PPFIBP2: variants seen among roughly 807,000 people sequenced by gnomAD.
The protein encoded by PPFIBP2 is PPFIB scaffold protein 2.
PPFIBP2 carries 118 observed loss-of-function variants against 118.3 expected under a neutral mutation model. The observed-to-expected ratio is 1.00, with a 90% CI of 0.86 to 1.16. The LOEUF (loss-of-function observed/expected upper bound fraction) is 1.16. PPFIBP2 is among the 50% of genes most tolerant of loss of function. The pLI, the probability that PPFIBP2 is intolerant of heterozygous loss-of-function variation, is 0.00. For synonymous variants in PPFIBP2, 414 were observed against 397.4 expected, an observed-to-expected ratio of 1.04 and a Z score of -0.50; for missense variants, 1,195 against 1,073.1, an observed-to-expected ratio of 1.11 and a Z score of -1.59.
chr11:7,565,467 G>A lies in PPFIBP2; in HGVS notation c.65-86G>A, dbSNP rs528137940. 224 of 1,393,856 alleles carry A rather than the reference G, an allele frequency of 1.6e-4. No individual in the cohort carries two copies. In the African/African-American group the frequency reaches 1.9e-3, roughly 12 times the overall value. The allele number at this position is 1,393,856 out of a possible 1,614,324, so 86.3% of individuals were successfully genotyped here. ...CAGCTTCTTATCTGTCCCTTTCACC[G>A]TTTCTTCACCACCTTTGCTCTTTAC... is the stretch of plus-strand genomic sequence containing the variant. On this transcript the variant is annotated intron_variant, in intron 2 of 23. Coordinates refer to ENST00000299492, the MANE Select transcript of PPFIBP2 (RefSeq NM_003621.5).
At chr11:7,617,141 G>A in intron 6 of PPFIBP2, 2 of 985,360 alleles carry the variant, frequency 2.0e-6, no homozygotes, top group Non-Finnish European at 2.4e-6. Flanking sequence ...GTGAGCTGCA[G>A]GAGCAGATGT....
the PPFIBP2 span, among the ~76,000 whole-genome samples, chr11:7,664,056 C>T: frequency 2.0e-5 from 3 of 152,188 alleles, no homozygotes; most frequent in African/African-American, 4.8e-5. Flanking sequence ...CTGGCACTCC[C>T]TAGTGAGATG....
chr11:7,522,126 G>A (rs566617263), intron 1 of PPFIBP2, among the ~76,000 whole-genome samples: 52 of 152,330 alleles, frequency 3.4e-4, no homozygotes, highest in African/African-American at 1.2e-3. Context: ...AGCACAGGCT[G>A]TTAGAATAAC....
intron 23 of PPFIBP2, 127 bp from the exon 24 acceptor site, chr11:7,652,897 C>T (rs1854256626): frequency 8.9e-7 from 1 of 1,123,224 alleles, no homozygotes. Flanking sequence ...TGTTCAGAGT[C>T]TTTCTAGGAG....
At chr11:7,663,477 G>T in the PPFIBP2 span, among the ~76,000 whole-genome samples, 1 of 152,202 alleles carries the variant, frequency 6.6e-6, no homozygotes, top group Non-Finnish European at 1.5e-5. Flanking sequence ...AGTGGTCAGG[G>T]ACCCACTTGA....
chr11:7,530,155 G>A (rs775649382), intron 1 of PPFIBP2, among the ~76,000 whole-genome samples: 44 of 152,206 alleles, frequency 2.9e-4, no homozygotes, highest in Non-Finnish European at 5.7e-4. Flanking sequence ...TGGAGAGGCA[G>A]AGTGTTACAT....
intron 5 of PPFIBP2, chr11:7,598,274 A>C: frequency 3.1e-6 from 1 of 323,720 alleles, no homozygotes; most frequent in Non-Finnish European, 6.1e-6. Context: ...CAGATTTTGT[A>C]TGCTTAATAT....
At chr11:7,645,582 A>G (rs1437626275) in intron 17 of PPFIBP2, among the ~76,000 whole-genome samples, 1 of 152,208 alleles carries the variant, frequency 6.6e-6, no homozygotes, top group East Asian at 1.9e-4. Flanking sequence ...GGCTGAGGAT[A>G]TGGGAGATGC....
At chr11:7,657,577 T>A (rs978948222), downstream of PPFIBP2, among the ~76,000 whole-genome samples, 6 of 152,170 alleles carry the variant, frequency 3.9e-5, no homozygotes, top group Non-Finnish European at 8.8e-5. Context: ...TCAAGCTCCG[T>A]GTTTCCACCC....
chr11:7,577,388 C>T (rs530397753), intron 3 of PPFIBP2: 22 of 344,024 alleles, frequency 6.4e-5, no homozygotes, highest in East Asian at 2.4e-4. Flanking sequence ...TGAAGCAGCA[C>T]GGTCTGCTCT....
intron 1 of PPFIBP2, among the ~76,000 whole-genome samples, chr11:7,516,443 C>T (rs1014503697): frequency 6.6e-6 from 1 of 152,100 alleles, no homozygotes; most frequent in Non-Finnish European, 1.5e-5. Flanking sequence ...GAAGATTCAG[C>T]TTTGGGCCTG....
chr11:7,589,770 A>G (rs1289153063), intron 3 of PPFIBP2, among the ~76,000 whole-genome samples: 1 of 152,206 alleles, frequency 6.6e-6, no homozygotes, highest in Non-Finnish European at 1.5e-5. Flanking sequence ...AGGAACATGG[A>G]CAAGACTTTT....
chr11:7,644,539 T>C (rs1246079379), intron 17 of PPFIBP2, among the ~76,000 whole-genome samples: 2 of 151,858 alleles, frequency 1.3e-5, no homozygotes, highest in Non-Finnish European at 2.9e-5. Context: ...TTAGGAGAGG[T>C]CCCCAATCCT....
At chr11:7,553,938 C>G (rs765581491) in intron 2 of PPFIBP2, among the ~76,000 whole-genome samples, 1 of 152,114 alleles carries the variant, frequency 6.6e-6, no homozygotes, top group Non-Finnish European at 1.5e-5. Flanking sequence ...CTCACAATCC[C>G]TAAGCCAGAG....
chr11:7,521,466 C>G (rs1357476119), intron 1 of PPFIBP2, among the ~76,000 whole-genome samples: 1 of 152,214 alleles, frequency 6.6e-6, no homozygotes, highest in East Asian at 1.9e-4. Flanking sequence ...TTTGCATACA[C>G]TATTTTATCT....
chr11:7,610,445 C>T (rs1368339863), intron 6 of PPFIBP2, 23 bp downstream of exon 6: 1 of 1,609,112 alleles, frequency 6.2e-7, no homozygotes, highest in African/African-American at 1.3e-5. Context: ...GTGTACTGTC[C>T]TAAGCTCAGA....
At chr11:7,602,087 C>CAAAAAAAAAAAAA (rs201003988) in intron 5 of PPFIBP2, among the ~76,000 whole-genome samples, 49 of 56,158 alleles carry the variant, frequency 8.7e-4, no homozygotes, top group Non-Finnish European at 1.2e-3. Flanking sequence ...GAATGAAACT[C>CAAAAAAAAAAAAA]AAAAAAAAAA....
intron 17 of PPFIBP2, among the ~76,000 whole-genome samples, chr11:7,643,048 G>A (rs4322385): frequency 0.61 from 92,933 of 152,076 alleles, 30,913 homozygotes; most frequent in East Asian, 0.88. Flanking sequence ...TTGAAAAGAA[G>A]CATGAGAATG....
At chr11:7,579,357 T>A (rs1326224033) in intron 3 of PPFIBP2, among the ~76,000 whole-genome samples, 1 of 152,244 alleles carries the variant, frequency 6.6e-6, no homozygotes, top group Non-Finnish European at 1.5e-5. Flanking sequence ...AAATCCTGTC[T>A]GTGCCCAGCC....
Sources: allele counts gnomAD v4.1 joint callset (sites outside exome capture counted in the v4.1 genomes callset), GRCh38; gene constraint gnomAD v4.1.1; transcripts MANE v1.5; gene names NCBI Gene and HGNC (gene_info 2026-07-23, HGNC 2026-07-21).